Variants in PDZRN4 observed in about 807,000 individuals in gnomAD.
PDZRN4 encodes PDZ domain containing ring finger 4, also known as PDZ domain-containing RING finger protein 4.
PDZRN4 carries 70 observed loss-of-function variants against 99.0 expected under a neutral mutation model. The observed-to-expected ratio is 0.71, with a 90% CI of 0.58 to 0.86. PDZRN4 has a LOEUF of 0.86. PDZRN4 is among the 40% of genes least tolerant of loss of function. The pLI, the probability that PDZRN4 is intolerant of heterozygous loss-of-function variation, is 0.00. For missense variants in PDZRN4, 1,474 were observed against 1,331.2 expected (o/e 1.11, Z -1.67); for synonymous variants, 551 against 501.6 (o/e 1.10, Z -1.32).
intron 3 of PDZRN4, chr12:41,409,763 C>T (rs1028255521): frequency 6.6e-6 from 1 of 152,146 alleles, no homozygotes; most frequent in African/African-American, 2.4e-5. Context: ...TGAAGGTCAG[C>T]CAACTGAAAT....
intron 3 of PDZRN4, among the ~76,000 whole-genome samples, chr12:41,286,743 C>G (rs1191247711): frequency 6.6e-6 from 1 of 152,118 alleles, no homozygotes; most frequent in Non-Finnish European, 1.5e-5. Context: ...ACCCATAGGG[C>G]AGAGAGGCAG....
At chr12:41,207,211 A>AT (rs1220951951) in intron 3 of PDZRN4, among the ~76,000 whole-genome samples, 3 of 151,412 alleles carry the variant, frequency 2.0e-5, no homozygotes, top group Non-Finnish European at 4.4e-5. Flanking sequence ...GACATGTGTA[A>AT]TTTTTTTTGG....
intron 3 of PDZRN4, among the ~76,000 whole-genome samples, chr12:41,329,407 A>AAAGTTC (rs1266533977): frequency 2.6e-5 from 4 of 152,274 alleles, no homozygotes; most frequent in African/African-American, 9.6e-5. Context: ...TTTGAAAAGG[A>AAAGTTC]AAGTTCATCA....
At chr12:41,420,930 T>A (rs142058207) in intron 3 of PDZRN4, among the ~76,000 whole-genome samples, 46 of 152,268 alleles carry the variant, frequency 3.0e-4, no homozygotes, top group African/African-American at 1.1e-3. Flanking sequence ...TATCTGTTTA[T>A]ATTCGCTATT....
At chr12:41,297,905 A>G (rs1164271481) in intron 3 of PDZRN4, among the ~76,000 whole-genome samples, 1 of 152,218 alleles carries the variant, frequency 6.6e-6, no homozygotes, top group African/African-American at 2.4e-5. Context: ...CAGAATGGAG[A>G]GGAAGATCGA....
chr12:41,272,249 T>C (rs1245367078), intron 3 of PDZRN4, among the ~76,000 whole-genome samples: 1 of 152,090 alleles, frequency 6.6e-6, no homozygotes, highest in Non-Finnish European at 1.5e-5. Context: ...AAAGCCAAAG[T>C]GCCAATGATA....
intron 3 of PDZRN4, among the ~76,000 whole-genome samples, chr12:41,314,520 T>C (rs1951626607): frequency 6.6e-6 from 1 of 152,210 alleles, no homozygotes; most frequent in African/African-American, 2.4e-5. Flanking sequence ...TGGAGGAGCC[T>C]GGAGCCTTCA....
At chr12:41,452,444 A>AC (rs113648337) in intron 3 of PDZRN4, among the ~76,000 whole-genome samples, 2,613 of 131,580 alleles carry the variant, frequency 0.02, 54 homozygotes, top group East Asian at 0.099. Flanking sequence ...GTCTAAAAAA[A>AC]AAAAAAAAGA....
At chr12:41,538,689 A>T (rs967402547) in intron 5 of PDZRN4, among the ~76,000 whole-genome samples, 1 of 152,188 alleles carries the variant, frequency 6.6e-6, no homozygotes, top group Non-Finnish European at 1.5e-5. Flanking sequence ...ATAAATAAAT[A>T]CATTAAATAA....
intron 3 of PDZRN4, chr12:41,438,094 T>A: frequency 6.6e-7 from 1 of 1,523,326 alleles, no homozygotes; most frequent in South Asian, 1.1e-5. Flanking sequence ...TCTGGCTAGC[T>A]TTATTTTTTC....
At chr12:41,454,135 C>T (rs1259561673) in intron 3 of PDZRN4, among the ~76,000 whole-genome samples, 1 of 151,786 alleles carries the variant, frequency 6.6e-6, no homozygotes, top group Non-Finnish European at 1.5e-5. Context: ...GAAGCCAAAA[C>T]CAAAGTGATT....
At chr12:41,484,216 G>T (rs541877495) in intron 3 of PDZRN4, among the ~76,000 whole-genome samples, 8 of 152,248 alleles carry the variant, frequency 5.3e-5, no homozygotes, top group African/African-American at 1.9e-4. Context: ...ATTGAGAAAA[G>T]ATATTTGTAA....
At chr12:41,423,197 C>T (rs973605445) in intron 3 of PDZRN4, among the ~76,000 whole-genome samples, 5 of 151,978 alleles carry the variant, frequency 3.3e-5, no homozygotes, top group Non-Finnish European at 5.9e-5. Context: ...GCAGAACATG[C>T]AGGTTTGTTA....
intron 3 of PDZRN4, among the ~76,000 whole-genome samples, chr12:41,328,734 T>C (rs1446885544): frequency 1.3e-5 from 2 of 152,142 alleles, no homozygotes; most frequent in South Asian, 2.1e-4. Context: ...AGCAGTCTTC[T>C]TTCCAGAAAA....
At chr12:41,481,332 C>G (rs1429972198) in intron 3 of PDZRN4, among the ~76,000 whole-genome samples, 1 of 152,068 alleles carries the variant, frequency 6.6e-6, no homozygotes, top group Non-Finnish European at 1.5e-5. Flanking sequence ...TCCTTCCAAC[C>G]TAGCCTAAAG....
intron 3 of PDZRN4, among the ~76,000 whole-genome samples, chr12:41,484,802 T>A (rs2120610203): frequency 6.6e-6 from 1 of 152,244 alleles, no homozygotes; most frequent in African/African-American, 2.4e-5. Flanking sequence ...GTCCTAATAG[T>A]CTTTGTGGGC....
intron 9 of PDZRN4, 137 bp from the exon 10 acceptor site, chr12:41,572,227 T>G: frequency 1.5e-6 from 1 of 668,184 alleles, no homozygotes; most frequent in Non-Finnish European, 2.5e-6. Flanking sequence ...TCTAAAATTG[T>G]GATGGACCCT....
chr12:41,411,331 CATTTAAGAAAGGAAAAGTGAAAAGG>C (rs1389191645), intron 3 of PDZRN4, among the ~76,000 whole-genome samples: 3 of 152,084 alleles, frequency 2.0e-5, no homozygotes, highest in African/African-American at 7.2e-5. Flanking sequence ...TTCATCTTTC[CATTTAAGAAAGGAAAAGTGAAAAGG>C]AAGGAGAAAG....
intron 3 of PDZRN4, among the ~76,000 whole-genome samples, chr12:41,408,113 A>G (rs1012009269): frequency 6.6e-6 from 1 of 152,258 alleles, no homozygotes; most frequent in African/African-American, 2.4e-5. Flanking sequence ...CTAGAAAAAA[A>G]TGTCAGAAAT....
Sources: allele counts gnomAD v4.1 joint callset (sites outside exome capture counted in the v4.1 genomes callset), GRCh38; gene constraint gnomAD v4.1.1; transcripts MANE v1.5; gene names NCBI Gene and HGNC (gene_info 2026-07-23, HGNC 2026-07-21).